Variants in USH2A observed in about 807,000 individuals in gnomAD.
USH2A encodes usherin.
USH2A carries 443 observed loss-of-function variants against 538.9 expected under a neutral mutation model. The ratio of observed to expected loss-of-function variants is 0.82; its 90% CI spans 0.76 to 0.89. The LOEUF (loss-of-function observed/expected upper bound fraction) is 0.89, where lower values mean the gene tolerates loss of function less well. Ranked by LOEUF, USH2A falls within the 40% of genes least tolerant of loss-of-function variation. The pLI is 0.00. For synonymous variants in USH2A, 2,413 were observed against 2,273.5 expected, an observed-to-expected ratio of 1.06 and a Z score of -1.75; for missense variants, 6,633 against 6,324.8, an observed-to-expected ratio of 1.05 and a Z score of -1.65.
At chr1:216,292,397 A>G (rs762441442) in intron 9 of USH2A, 27 bp from the exon 10 acceptor site, 6 of 1,608,354 alleles carry the variant, frequency 3.7e-6, no homozygotes, top group African/African-American at 1.3e-5. Flanking sequence ...CAGAACAGTA[A>G]AGAAAATAAA....
intron 44 of USH2A, among the ~76,000 whole-genome samples, chr1:215,856,801 C>G (rs1402386852): frequency 6.6e-6 from 1 of 151,696 alleles, no homozygotes; most frequent in Non-Finnish European, 1.5e-5. Flanking sequence ...AGCCCAAACG[C>G]CCATCAATCA....
chr1:216,131,536 T>C (rs1464721518), intron 21 of USH2A, among the ~76,000 whole-genome samples: 2 of 152,090 alleles, frequency 1.3e-5, no homozygotes, highest in Non-Finnish European at 2.9e-5. Context: ...AAATGGTTTT[T>C]ACCAAACTAT....
rs75411170 is a variant in USH2A at position 216,166,648 on chromosome 1, G to A, written c.4627+8604C>T. 3.1e-3 allele frequency among the ~76,000 whole-genome samples: 471 copies of A among 152,170 alleles called. 4 individuals are homozygous for A. The highest frequency in any genetic ancestry group is 0.011 in the African/African-American group (458 of 41,530). On this transcript the variant is annotated intron_variant, in intron 21 of 71. Coordinates refer to ENST00000307340, the MANE Select transcript of USH2A (RefSeq NM_206933.4). Reference sequence around the variant, plus strand: ...AATCATTAATAGAATGGGAGGAAATGAGTGAATAGTTCAAGTGCCAATTCA... The same window carrying A: ...AATCATTAATAGAATGGGAGGAAATAAGTGAATAGTTCAAGTGCCAATTCA...
At chr1:215,902,017 A>C (rs894715570) in intron 38 of USH2A, among the ~76,000 whole-genome samples, 1 of 152,174 alleles carries the variant, frequency 6.6e-6, no homozygotes, top group Non-Finnish European at 1.5e-5. Context: ...GGTAATTATT[A>C]GTCACTAACT....
At chr1:216,233,129 GA>G (rs2035734641) in intron 13 of USH2A, among the ~76,000 whole-genome samples, 1 of 151,958 alleles carries the variant, frequency 6.6e-6, no homozygotes, top group African/African-American at 2.4e-5. Context: ...TTCCCTTTAG[GA>G]AATAAATCCA....
intron 30 of USH2A, among the ~76,000 whole-genome samples, chr1:216,050,768 C>A (rs916978715): frequency 6.6e-6 from 1 of 151,112 alleles, no homozygotes; most frequent in Non-Finnish European, 1.5e-5. Flanking sequence ...CCACGCCCGG[C>A]TAATTTTTTT....
intron 21 of USH2A, among the ~76,000 whole-genome samples, chr1:216,158,289 G>A (rs1302243546): frequency 6.6e-6 from 1 of 152,034 alleles, no homozygotes; most frequent in Non-Finnish European, 1.5e-5. Flanking sequence ...AGGCTGGAGT[G>A]CAGTGGTGCA....
chr1:216,263,889 A>C (rs1489147021), intron 11 of USH2A, among the ~76,000 whole-genome samples: 1 of 152,146 alleles, frequency 6.6e-6, no homozygotes, highest in African/African-American at 2.4e-5. Flanking sequence ...TCCACCAAAA[A>C]ACTCTTAGAA....
intron 49 of USH2A, among the ~76,000 whole-genome samples, chr1:215,812,885 T>C (rs1044010045): frequency 6.6e-6 from 1 of 152,194 alleles, no homozygotes; most frequent in African/African-American, 2.4e-5. Flanking sequence ...CAAAAGAGCA[T>C]AGATTTAGGA....
In USH2A at chr1:216,346,172, G is replaced by A. The variant is rs538099116; in HGVS notation, c.785-18518C>T. On this transcript the variant is annotated intron_variant, in intron 4 of 71. Coordinates refer to ENST00000307340, the MANE Select transcript of USH2A (RefSeq NM_206933.4). The stretch of plus-strand genomic sequence containing the variant: ...ATAAAGTTCAAAAGCCAGAATTATT[G>A]ACAGTTTCGCCTGGCTAAAGTCAGG... Among the ~76,000 whole-genome samples, 9 of 152,166 alleles carry A rather than the reference G, an allele frequency of 5.9e-5. No homozygotes were observed. The South Asian group carries it at 1.9e-3, about 32-fold the overall frequency.
At chr1:215,634,434 T>C (rs1382552882) in intron 70 of USH2A, 25 bp downstream of exon 70, 4 of 1,614,146 alleles carry the variant, frequency 2.5e-6, no homozygotes, top group South Asian at 2.2e-5. Context: ...GATAGGGAAA[T>C]GGGGCCACAC....
At chr1:215,752,861 G>C (rs1184298853) in intron 58 of USH2A, among the ~76,000 whole-genome samples, 2 of 152,138 alleles carry the variant, frequency 1.3e-5, no homozygotes, top group Non-Finnish European at 2.9e-5. Flanking sequence ...ACTACCATCA[G>C]AGTGAACAGG....
At chr1:216,013,797 A>T (rs934698516) in intron 32 of USH2A, among the ~76,000 whole-genome samples, 9 of 151,970 alleles carry the variant, frequency 5.9e-5, no homozygotes, top group Admixed American at 1.3e-4. Flanking sequence ...GCCCACCTGC[A>T]CCCAGGTGAA....
chr1:216,047,228 A>C (rs2030559306), intron 31 of USH2A, among the ~76,000 whole-genome samples: 1 of 152,190 alleles, frequency 6.6e-6, no homozygotes, highest in African/African-American at 2.4e-5. Flanking sequence ...TAAAAATAAA[A>C]AAGGAAATAT....
At chr1:216,174,988 A>C in intron 21 of USH2A, 1 of 1,289,272 alleles carries the variant, frequency 7.8e-7, no homozygotes, top group South Asian at 1.6e-5. Flanking sequence ...ACAAAAAGAC[A>C]AATACAAAGC....
chr1:215,945,309 A>G (rs1056915411), intron 37 of USH2A, among the ~76,000 whole-genome samples: 1 of 152,168 alleles, frequency 6.6e-6, no homozygotes, highest in Non-Finnish European at 1.5e-5. Flanking sequence ...GGACAATTAT[A>G]GAAATGAAAA....
chr1:215,999,091 T>C lies in USH2A; in HGVS notation c.6486-33A>G, dbSNP rs1288097520. On this transcript the variant is annotated intron_variant, in intron 33 of 71. Coordinates refer to ENST00000307340, the MANE Select transcript of USH2A (RefSeq NM_206933.4). Reference sequence around the variant, plus strand: ...TGGTAAAATACATTATTATCATTCATTCAAGTCAAAACTAAAATATACAGG... The same window carrying C: ...TGGTAAAATACATTATTATCATTCACTCAAGTCAAAACTAAAATATACAGG... 4.4e-6 allele frequency: 7 copies of C among 1,582,990 alleles called. No individual in the cohort carries two copies. In the Admixed American group the frequency reaches 1.2e-4, roughly 27 times the overall value.
intron 44 of USH2A, among the ~76,000 whole-genome samples, chr1:215,853,627 C>T (rs577847505): frequency 1.3e-5 from 2 of 152,288 alleles, no homozygotes; most frequent in East Asian, 3.9e-4. Context: ...AAACTGAATG[C>T]CTTTAACAGC....
chr1:215,664,223 T>G (rs953486782), intron 64 of USH2A, among the ~76,000 whole-genome samples: 1 of 152,236 alleles, frequency 6.6e-6, no homozygotes, highest in Non-Finnish European at 1.5e-5. Context: ...TAAATGAGAC[T>G]TATTTGTAGC....
Sources: allele counts gnomAD v4.1 joint callset (sites outside exome capture counted in the v4.1 genomes callset), GRCh38; gene constraint gnomAD v4.1.1; transcripts MANE v1.5; gene names NCBI Gene and HGNC (gene_info 2026-07-23, HGNC 2026-07-21).